Variants in INTS1 observed in about 807,000 individuals in gnomAD.
The protein encoded by INTS1 is integrator complex subunit 1.
Under a neutral mutation model 241.6 loss-of-function variants are expected in INTS1, and 137 were observed. The ratio of observed to expected loss-of-function variants is 0.57; its 90% CI spans 0.49 to 0.65. The LOEUF (loss-of-function observed/expected upper bound fraction) is 0.65. Among genes scored for constraint, INTS1 ranks in the 30% least tolerant of loss-of-function variants. The pLI is 0.00. For synonymous variants in INTS1, 1,692 were observed against 1,337.8 expected, an observed-to-expected ratio of 1.26 and a Z score of -5.78; for missense variants, 3,073 against 3,032.2, an observed-to-expected ratio of 1.01 and a Z score of -0.32.
At chr7:1,478,633 G>A in intron 32 of INTS1, 93 bp downstream of exon 32, 1 of 1,488,054 alleles carries the variant, frequency 6.7e-7, no homozygotes, top group Non-Finnish European at 9.0e-7. Flanking sequence ...CCAAGCCACT[G>A]CCCAGGCCTC....
chr7:1,495,320 G>T, intron 13 of INTS1, 113 bp downstream of exon 13: 1 of 1,292,586 alleles, frequency 7.7e-7, no homozygotes, highest in Non-Finnish European at 1.0e-6. Flanking sequence ...GGGGCTGTGC[G>T]GGGCCTGGCT....
intron 12 of INTS1, 133 bp from the exon 13 acceptor site, chr7:1,495,686 C>G: frequency 2.5e-6 from 3 of 1,181,560 alleles, no homozygotes; most frequent in Non-Finnish European, 3.6e-6. Context: ...CTGGACGATT[C>G]CCAGCTGGAA....
In INTS1 at chr7:1,484,305, C is replaced by T. The variant is rs556226198; in HGVS notation, c.3262-135G>A. 50 of 922,998 alleles carry T rather than the reference C, an allele frequency of 5.4e-5. No individual in the cohort carries two copies. In the South Asian group the frequency reaches 7.8e-4, roughly 14 times the overall value. The allele number at this position is 922,998 out of a possible 1,614,324, so 57.2% of individuals were successfully genotyped here. On this transcript the variant is annotated intron_variant, in intron 24 of 47. Transcript: ENST00000404767. ...GCGGCACCGCAGACCCTCACTCAGC[C>T]GCAGGCCGCCAGGGAAGACGACCAG...
In INTS1 at chr7:1,497,876, A is replaced by G. The variant is rs1370293444; in HGVS notation, c.1425+536T>C. Among the ~76,000 whole-genome samples, 2 of 152,220 alleles carry G rather than the reference A, an allele frequency of 1.3e-5. No individual in the cohort carries two copies. The highest frequency in any genetic ancestry group is 2.9e-5 in the Non-Finnish European group (2 of 68,040). On this transcript the variant is annotated intron_variant, in intron 10 of 47. Coordinates refer to ENST00000404767, the MANE Select transcript of INTS1 (RefSeq NM_001080453.3). This position sits in a 1 kb window ranked among gnomAD's most constrained non-coding sequence, Gnocchi z 5.3. Reference sequence around the variant, plus strand: ...ACGGAAATCCAAGGGTCCTACAGCCAGGGCTACAGGGACCCCTGCTTAACC... The same window carrying G: ...ACGGAAATCCAAGGGTCCTACAGCCGGGGCTACAGGGACCCCTGCTTAACC...
chr7:1,473,484 C>T (rs766118989), intron 42 of INTS1, 82 bp downstream of exon 42: 71 of 1,484,262 alleles, frequency 4.8e-5, no homozygotes, highest in Non-Finnish European at 5.7e-5. Flanking sequence ...TGACACGACA[C>T]GGCCTTCCCA....
rs1427964985 is a variant in INTS1, at chr7:1,497,899, AC to A, written c.1425+512del. On this transcript the variant is annotated intron_variant, in intron 10 of 47. Transcript: ENST00000404767. The surrounding 1 kb of genome is among the most constrained non-coding windows in gnomAD (Gnocchi z 5.3). Reference sequence around the variant, plus strand: ...CCAGGGCTACAGGGACCCCTGCTTAACCGAGGGACCCAATGCACAGGAGGCG... The same window carrying A: ...CCAGGGCTACAGGGACCCCTGCTTAACGAGGGACCCAATGCACAGGAGGCG... Among the ~76,000 whole-genome samples, 1 of 152,174 alleles carries A rather than the reference AC, an allele frequency of 6.6e-6. No individual in the cohort carries two copies. The highest frequency in any genetic ancestry group is 1.5e-5 in the Non-Finnish European group (1 of 68,020).
Position 1,470,327 on chromosome 7 carries a change from A to G in INTS1, c.*250T>C. On this transcript the variant is annotated 3_prime_UTR_variant, in exon 48 of 48. Transcript: ENST00000404767. ...ACCAGCCCAGGCCATGCCCGGGGGG[A>G]TCCGCCGCTCCGCGGCAGGGCTGTG... 2.1e-6 allele frequency: 1 copy of G among 468,756 alleles called. No homozygotes were observed. Among genetic ancestry groups the G allele is most frequent in the Non-Finnish European group, 3.8e-6 (1 of 266,586 alleles). The allele number at this position is 468,756 out of a possible 1,614,324, so 29.0% of individuals were successfully genotyped here.
chr7:1,483,648 G>A, intron 26 of INTS1, 94 bp downstream of exon 26: 1 of 969,378 alleles, frequency 1.0e-6, no homozygotes, highest in Non-Finnish European at 1.6e-6. Context: ...TTCCCGCCCA[G>A]AAGCAAGGCA....
rs1782695222 is a variant in INTS1, at chr7:1,493,592, G to GA, written c.2068+161_2068+162insT. 2.8e-5 allele frequency among the ~76,000 whole-genome samples: 1 copy of GA among 36,042 alleles called. No individual in the cohort carries two copies. Among genetic ancestry groups the GA allele is most frequent in the Admixed American group, 2.1e-4 (1 of 4,668 alleles). 23.6% of individuals were successfully genotyped at this position (36,042 alleles called of 152,430 possible). The stretch of plus-strand genomic sequence containing the variant: ...ACACGCACGCTTCTGAATTCCCAAC[G>GA]GCAGATGTGGAGAAGGCAGGTCCCC... On this transcript the variant is annotated intron_variant, in intron 15 of 47. Transcript: ENST00000404767. This position sits in a 1 kb window ranked among gnomAD's most constrained non-coding sequence, Gnocchi z 5.3.
At chr7:1,478,587 G>C in intron 32 of INTS1, 81 bp from the exon 33 acceptor site, 1 of 1,539,236 alleles carries the variant, frequency 6.5e-7, no homozygotes, top group Non-Finnish European at 8.8e-7. Context: ...CCCCACGGTA[G>C]AAGGGCTCCC....
rs1174043052 is a variant in INTS1, at chr7:1,476,648, G to A, written c.5073C>T (p.Pro1691=). 1 of 1,612,730 alleles carries A rather than the reference G, an allele frequency of 6.2e-7. No homozygotes were observed. Among genetic ancestry groups the A allele is most frequent in the East Asian group, 2.2e-5 (1 of 44,872 alleles). The change falls in exon 37 of 48, where the codon CCC becomes CCT. Residue 1691 remains proline (P), a synonymous_variant. Transcript: ENST00000404767. ...LGKSREQRFD[P]SASLDFLWAC... ...CCCAGAGGAAGTCCAGAGAGGCAGA[G>A]GGGTCGAACCTGTGGGGAGGCAAAG...
At position 1,493,114 on chromosome 7, in the gene INTS1, C is replaced by T; in HGVS notation, c.2069-8G>A. ...CCTTCAGCACCTCCACATCTAAGACCAAGAGCCACACATGGGTTCTGGGGC... is the reference window on the plus strand; with the variant it reads ...CCTTCAGCACCTCCACATCTAAGACTAAGAGCCACACATGGGTTCTGGGGC... On this transcript the variant is annotated splice_polypyrimidine_tract_variant and splice_region_variant and intron_variant, in intron 15 of 47. Coordinates refer to ENST00000404767, the MANE Select transcript of INTS1 (RefSeq NM_001080453.3). The surrounding 1 kb of genome is among the most constrained non-coding windows in gnomAD (Gnocchi z 5.3). The T allele has an allele frequency of 1.2e-6, 2 of 1,607,096 alleles. No individual in the cohort carries two copies. The highest frequency in any genetic ancestry group is 1.7e-6 in the Non-Finnish European group (2 of 1,174,654).
At chr7:1,471,885 G>A (rs987750668) in intron 44 of INTS1, 1 of 586,620 alleles carries the variant, frequency 1.7e-6, no homozygotes, top group Non-Finnish European at 3.0e-6. Flanking sequence ...TATCCAGGGT[G>A]CTCTTAGCAC....
chr7:1,471,104 G>A (rs946977768), intron 46 of INTS1, 29 bp downstream of exon 46: 15 of 1,546,038 alleles, frequency 9.7e-6, no homozygotes, highest in African/African-American at 4.1e-5. Context: ...CAGCGGTGGC[G>A]GCGGGACAGA....
At chr7:1,491,625 G>C (rs4436032) in intron 16 of INTS1, among the ~76,000 whole-genome samples, 66,876 of 151,902 alleles carry the variant, frequency 0.44, 14,870 homozygotes, top group East Asian at 0.7. Flanking sequence ...GCCAGGCGCG[G>C]TGTGGCTCAT....
chr7:1,499,260 C>A lies in INTS1; in HGVS notation c.945G>T (p.Met315Ile). 1 of 1,609,766 alleles carries A rather than the reference C, an allele frequency of 6.2e-7. No homozygotes were observed. The highest frequency in any genetic ancestry group is 8.5e-7 in the Non-Finnish European group (1 of 1,179,046). The change falls in exon 7 of 48, where the codon ATG (methionine) becomes ATT (isoleucine). Residue 315 changes from methionine (M) to isoleucine (I), a missense_variant. Coordinates refer to ENST00000404767, the MANE Select transcript of INTS1 (RefSeq NM_001080453.3). ...CCGGGCAGGCACGCAGCTACCTGGG[C>A]ATGAGCTGGCCCTCCTGCTCGGGGC... ...KLSPEQEGQL[M>I]PRYEELAESV...
intron 30 of INTS1, 116 bp from the exon 31 acceptor site, chr7:1,479,800 G>C: frequency 8.7e-7 from 1 of 1,154,598 alleles, no homozygotes; most frequent in Non-Finnish European, 1.2e-6. Context: ...TCGTGTCCCT[G>C]TTCATTCGTA....
chr7:1,488,277 G>C (rs1017427052), intron 18 of INTS1, among the ~76,000 whole-genome samples: 1 of 152,298 alleles, frequency 6.6e-6, no homozygotes, highest in East Asian at 1.9e-4. Flanking sequence ...CACCTACGCT[G>C]GGAGCATAGC....
chr7:1,489,773 C>T (rs1057260190), intron 16 of INTS1, 91 bp from the exon 17 acceptor site: 8 of 898,516 alleles, frequency 8.9e-6, no homozygotes, highest in Admixed American at 2.9e-5. Flanking sequence ...GGGGCAGGGA[C>T]GGTGCTGGCT....
Sources: gnomAD v4.1 joint callset for allele counts (sites outside exome capture counted in the v4.1 genomes callset) on GRCh38, gnomAD v4.1.1 for gene constraint, Gnocchi (gnomAD v3.1) non-coding constraint, MANE v1.5 for transcripts, NCBI Gene and HGNC (gene_info 2026-07-23, HGNC 2026-07-21) for gene names.